PHAX: variants seen among roughly 807,000 people sequenced by gnomAD.
PHAX encodes the protein phosphorylated adapter RNA export protein.
A neutral mutation model predicts 41.6 loss-of-function variants in PHAX; 31 were observed. The observed-to-expected ratio is 0.75, with a 90% CI of 0.56 to 1.01. PHAX has a LOEUF of 1.01. PHAX is among the 50% of genes least tolerant of loss of function. The pLI, the probability that PHAX is intolerant of heterozygous loss-of-function variation, is 0.00. For missense variants in PHAX, 453 were observed against 472.9 expected, an observed-to-expected ratio of 0.96 and a Z score of 0.39; for synonymous variants, 175 against 164.9, an observed-to-expected ratio of 1.06 and a Z score of -0.47.
Position 126,624,654 on chromosome 5 carries a change from A to C in PHAX, c.995A>C (p.Lys332Thr). ...AAGAGGAGAACACAAGTGTTGGGGA[A>C]AAAGATGAAACAAGCTATTAAAAGT... Reference protein sequence around the residue: ...ARKRRTQVLGKKMKQAIKSLN... With the variant: ...ARKRRTQVLGTKMKQAIKSLN... The change falls in exon 5 of 5, where the codon AAA becomes ACA. Residue 332 changes from lysine (K) to threonine (T), a missense_variant. Lys to Thr is a moderately conservative substitution (Grantham distance 78). Transcript: ENST00000297540. 3 of 1,613,928 alleles carry C rather than the reference A, an allele frequency of 1.9e-6. No homozygotes were observed. The highest frequency in any genetic ancestry group is 2.5e-6 in the Non-Finnish European group (3 of 1,179,836).
intron 1 of PHAX, among the ~76,000 whole-genome samples, chr5:126,603,272 A>AT: frequency 6.6e-6 from 1 of 152,170 alleles, no homozygotes; most frequent in Non-Finnish European, 1.5e-5. Context: ...ATTTTAAAAC[A>AT]TTCTGACAGT....
chr5:126,609,550 G>C (rs1312101068), intron 3 of PHAX, among the ~76,000 whole-genome samples: 2 of 152,020 alleles, frequency 1.3e-5, no homozygotes, highest in African/African-American at 4.8e-5. Flanking sequence ...ACTTCTTGGA[G>C]CCTCAGTCTC....
rs764195727 is a variant in PHAX, at chr5:126,624,720, T to C, written c.1061T>C (p.Phe354Ser). Reference sequence around the variant, plus strand: ...GATGATGATACATCACGAGAAACTTTTGCAAGTGACACGAATGAGGCCTTG... The same window carrying C: ...GATGATGATACATCACGAGAAACTTCTGCAAGTGACACGAATGAGGCCTTG... Reference protein sequence around the residue: ...QEDDDTSRETFASDTNEALAS... With the variant: ...QEDDDTSRETSASDTNEALAS... Residue 354 changes from phenylalanine to serine, a missense_variant, in exon 5 of 5, where the codon TTT becomes TCT. Physicochemically the swap from Phe to Ser is radical, Grantham distance 155 (BLOSUM62 -2). Coordinates refer to ENST00000297540, the MANE Select transcript of PHAX (RefSeq NM_032177.4). The C allele has an allele frequency of 5.6e-6, 9 of 1,614,062 alleles. No individual in the cohort carries two copies. Among genetic ancestry groups the C allele is most frequent in the South Asian group, 2.2e-5 (2 of 91,084 alleles).
Position 126,608,474 on chromosome 5 carries a change from T to G in PHAX, c.821T>G (p.Leu274Arg), listed in dbSNP as rs771972254. The change falls in exon 3 of 5, where the codon CTC becomes CGC. Residue 274 changes from leucine to arginine, a missense_variant. By Grantham distance (102) the Leu-to-Arg change is moderately radical (BLOSUM62 -2). Coordinates refer to ENST00000297540, the MANE Select transcript of PHAX (RefSeq NM_032177.4). ...GCTGAAGTTGAACAAAATGGTGGTCTCTTTATAATGGTAAGACTGCTTAAC... is the reference window on the plus strand; with the variant it reads ...GCTGAAGTTGAACAAAATGGTGGTCGCTTTATAATGGTAAGACTGCTTAAC... ...ETAEVEQNGG[L>R]FIMNGSRRRT... is the part of the protein sequence containing the mutation. The G allele has an allele frequency of 1.9e-6, 3 of 1,613,660 alleles. No homozygotes were observed. In the South Asian group the frequency reaches 3.3e-5, roughly 18 times the overall value.
Position 126,604,095 on chromosome 5 carries a change from G to C in PHAX, c.622G>C (p.Gly208Arg), listed in dbSNP as rs765036574. The change falls in exon 2 of 5, where the codon GGG becomes CGG. Residue 208 changes from glycine to arginine, a missense_variant. Transcript: ENST00000297540. Reference sequence around the variant, plus strand: ...GAAACGACCTGTCAAAGACAGGCTAGGGAACAGACCAGAAATGAACTATAA... The same window carrying C: ...GAAACGACCTGTCAAAGACAGGCTACGGAACAGACCAGAAATGAACTATAA... Reference protein sequence around the residue: ...KRKRPVKDRLGNRPEMNYKGR... With the variant: ...KRKRPVKDRLRNRPEMNYKGR... 1 of 1,612,992 alleles carries C rather than the reference G, an allele frequency of 6.2e-7. No individual in the cohort carries two copies. Among genetic ancestry groups the C allele is most frequent in the Non-Finnish European group, 8.5e-7 (1 of 1,179,766 alleles).
chr5:126,614,498 A>G (rs922606601), intron 3 of PHAX, among the ~76,000 whole-genome samples: 3 of 152,132 alleles, frequency 2.0e-5, no homozygotes, highest in South Asian at 2.1e-4. Flanking sequence ...AACAAGAAAG[A>G]GTATCAAGGG....
chr5:126,612,773 G>T (rs1243974907), intron 3 of PHAX, among the ~76,000 whole-genome samples: 1 of 152,184 alleles, frequency 6.6e-6, no homozygotes, highest in Non-Finnish European at 1.5e-5. Context: ...AATAAGATTA[G>T]ATGCAGGAAA....
At chr5:126,615,141 C>T (rs1453405427) in intron 3 of PHAX, among the ~76,000 whole-genome samples, 1 of 151,794 alleles carries the variant, frequency 6.6e-6, no homozygotes, top group Non-Finnish European at 1.5e-5. Flanking sequence ...CTCTTAGAAA[C>T]CTTATCAAGT....
intron 3 of PHAX, among the ~76,000 whole-genome samples, chr5:126,616,402 C>T (rs1205117861): frequency 6.6e-6 from 1 of 152,070 alleles, no homozygotes. Context: ...GCCTCAAATG[C>T]CAATTCTTGA....
rs1751950063 is a variant in PHAX at position 126,604,060 on chromosome 5, A to G, written c.587A>G (p.His196Arg). ...GSKEEENGQGHLKRKRPVKDR... is the reference protein window; with the variant it reads ...GSKEEENGQGRLKRKRPVKDR... ...AAGGAAGAGGAAAATGGGCAAGGTCATCTCAAAAGGAAACGACCTGTCAAA... is the reference window on the plus strand; with the variant it reads ...AAGGAAGAGGAAAATGGGCAAGGTCGTCTCAAAAGGAAACGACCTGTCAAA... Residue 196 changes from histidine (H) to arginine (R), a missense_variant, in exon 2 of 5, where the codon CAT (histidine) becomes CGT (arginine). His to Arg is a conservative substitution (Grantham distance 29). Transcript: ENST00000297540. 1.9e-6 allele frequency: 3 copies of G among 1,614,014 alleles called. No individual in the cohort carries two copies. Among genetic ancestry groups the G allele is most frequent in the Non-Finnish European group, 1.7e-6 (2 of 1,180,018 alleles).
intron 2 of PHAX, 89 bp downstream of exon 2, chr5:126,604,272 T>TA: frequency 1.8e-6 from 2 of 1,096,948 alleles, no homozygotes. Context: ...AATGATATGT[T>TA]CCTTTTTTTT....
At chr5:126,615,476 C>G (rs1038777878) in intron 3 of PHAX, among the ~76,000 whole-genome samples, 1 of 140,146 alleles carries the variant, frequency 7.1e-6, no homozygotes, top group Non-Finnish European at 1.5e-5. Context: ...TTTTCAAGGT[C>G]TATTTTAGTG....
chr5:126,619,532 C>T (rs1469499724), intron 4 of PHAX, among the ~76,000 whole-genome samples: 1 of 150,566 alleles, frequency 6.6e-6, no homozygotes, highest in African/African-American at 2.5e-5. Context: ...GCCGAGATCA[C>T]ACCACTGTAC....
chr5:126,605,835 T>G (rs1179012890), intron 2 of PHAX, among the ~76,000 whole-genome samples: 2 of 152,244 alleles, frequency 1.3e-5, no homozygotes, highest in African/African-American at 4.8e-5. Flanking sequence ...TTTGTTTGTT[T>G]AGTGTTTTCA....
chr5:126,624,966 T>A lies in PHAX; in HGVS notation c.*122T>A. The A allele has an allele frequency of 1.1e-6, 1 of 880,724 alleles. No homozygotes were observed. The allele number at this position is 880,724 out of a possible 1,614,324, so 54.6% of individuals were successfully genotyped here. ...AGAATCTGGAGGAAAGACAATTGTT[T>A]TCTTGTTTAAAATATGTGTGGAAAG... is the stretch of plus-strand genomic sequence containing the variant. On this transcript the variant is annotated 3_prime_UTR_variant, in exon 5 of 5. Transcript: ENST00000297540.
intron 4 of PHAX, among the ~76,000 whole-genome samples, chr5:126,620,737 C>CTTTT (rs1038627131): frequency 6.6e-6 from 1 of 151,322 alleles, no homozygotes; most frequent in East Asian, 1.9e-4. Context: ...CAAGGACATT[C>CTTTT]TTTTGTTTGT....
chr5:126,612,673 C>T (rs1029873966), intron 3 of PHAX, among the ~76,000 whole-genome samples: 3 of 152,050 alleles, frequency 2.0e-5, no homozygotes, highest in African/African-American at 4.8e-5. Context: ...TGGACTCCAG[C>T]CTGGGCAACA....
At chr5:126,605,110 A>G (rs543497967) in intron 2 of PHAX, among the ~76,000 whole-genome samples, 91 of 151,146 alleles carry the variant, frequency 6.0e-4, no homozygotes, top group African/African-American at 2.2e-3. Flanking sequence ...CAGTCCTCCC[A>G]CATTGGCCTC....
rs374288935 is a variant in PHAX at position 126,604,021 on chromosome 5, A to C, written c.548A>C (p.Lys183Thr). The change falls in exon 2 of 5, where the codon AAA becomes ACA. Residue 183 changes from lysine (K) to threonine (T), a missense_variant. Physicochemically the swap from Lys to Thr is moderately conservative, Grantham distance 78 (BLOSUM62 -1). Coordinates refer to ENST00000297540, the MANE Select transcript of PHAX (RefSeq NM_032177.4). Reference protein sequence around the residue: ...KELDEYMHGGKKMGSKEEENG... With the variant: ...KELDEYMHGGTKMGSKEEENG... The stretch of plus-strand genomic sequence containing the variant: ...CTAGATGAATATATGCATGGTGGCA[A>C]AAAAATGGGATCAAAGGAAGAGGAA... 1 of 1,614,054 alleles carries C rather than the reference A, an allele frequency of 6.2e-7. No homozygotes were observed. Among genetic ancestry groups the C allele is most frequent in the Non-Finnish European group, 8.5e-7 (1 of 1,179,998 alleles).
Sources: gnomAD v4.1 joint callset for allele counts (sites outside exome capture counted in the v4.1 genomes callset) on GRCh38, gnomAD v4.1.1 for gene constraint, MANE v1.5 for transcripts, NCBI Gene and HGNC (gene_info 2026-07-23, HGNC 2026-07-21) for gene names.